Variants in PAK3 observed in about 807,000 individuals in gnomAD.
PAK3 encodes the protein serine/threonine-protein kinase PAK 3.
In PAK3, 4 loss-of-function variants were observed where a neutral mutation model predicts 41.0. The ratio of observed to expected loss-of-function variants is 0.10; its 90% CI spans 0.05 to 0.22. The LOEUF is 0.22. Ranked by LOEUF, PAK3 falls within the 10% of genes least tolerant of loss-of-function variation. The pLI, the probability that PAK3 is intolerant of heterozygous loss-of-function variation, is 1.00. For synonymous variants in PAK3, 146 were observed against 139.6 expected (o/e 1.05, Z -0.32); for missense variants, 205 against 409.9 (o/e 0.50, Z 4.32).
At chrX:111,020,734 G>C (rs749448380) in intron 1 of PAK3, among the ~76,000 whole-genome samples, 3 of 111,795 alleles carry the variant, frequency 2.7e-5, no homozygotes, top group African/African-American at 9.8e-5. Context: ...CTCAGCCAGT[G>C]GGGAGGCTTG....
chrX:111,132,128 A>T (rs929349779), intron 5 of PAK3, among the ~76,000 whole-genome samples: 4 of 111,215 alleles, frequency 3.6e-5, no homozygotes, highest in African/African-American at 1.3e-4. Context: ...GCCTTTTAGT[A>T]ACAGATAAAT....
chrX:111,115,343 T>G (rs1462740779), intron 4 of PAK3, among the ~76,000 whole-genome samples: 1 of 111,887 alleles, frequency 8.9e-6, no homozygotes, highest in African/African-American at 3.2e-5. Context: ...TTTGGGTGTA[T>G]TATAATCTTT....
intron 1 of PAK3, among the ~76,000 whole-genome samples, chrX:110,947,867 C>T (rs961995794): frequency 1.8e-5 from 2 of 111,581 alleles, no homozygotes; most frequent in South Asian, 3.8e-4. Flanking sequence ...TTCCTTCCCC[C>T]CTCTTTAAAA....
rs1343675237 is a variant in PAK3, at chrX:111,225,443, G to C, written c.*4996G>C. The stretch of plus-strand genomic sequence containing the variant: ...CTTGCAAGATAAACTTTTGGAAACT[G>C]CTTAGTGCCATCGGAGTCTCCTTTA... On this transcript the variant is annotated 3_prime_UTR_variant, in exon 18 of 18. Coordinates refer to ENST00000372007, the MANE Select transcript of PAK3 (RefSeq NM_002578.5). 1 of 112,041 alleles carries C rather than the reference G, an allele frequency of 8.9e-6. No homozygotes were observed. Among genetic ancestry groups the C allele is most frequent in the Non-Finnish European group, 1.9e-5 (1 of 53,276 alleles). The allele number at this position is 112,041 out of a possible 1,213,427, so 9.2% of individuals were successfully genotyped here. A position where few individuals can be genotyped will look rare whatever the true frequency, so the allele number is the denominator to read the frequency against.
intron 1 of PAK3, among the ~76,000 whole-genome samples, chrX:111,056,334 G>A (rs1223057429): frequency 8.9e-6 from 1 of 112,009 alleles, no homozygotes; most frequent in East Asian, 2.8e-4. Context: ...AAAAAGTCAA[G>A]TAGATAAACT....
intron 16 of PAK3, among the ~76,000 whole-genome samples, chrX:111,203,465 A>G (rs752556469): frequency 9.0e-6 from 1 of 111,646 alleles, no homozygotes; most frequent in South Asian, 3.8e-4. Flanking sequence ...ATATTGGTGC[A>G]TAATAAACCC....
intron 11 of PAK3, among the ~76,000 whole-genome samples, chrX:111,187,002 A>G (rs748526869): frequency 9.0e-6 from 1 of 111,444 alleles, no homozygotes; most frequent in Non-Finnish European, 1.9e-5. Context: ...GTGCTTCCCA[A>G]CTTCACCAAG....
chrX:111,083,575 C>T (rs894411809), intron 1 of PAK3, among the ~76,000 whole-genome samples: 5 of 112,326 alleles, frequency 4.5e-5, no homozygotes, highest in Non-Finnish European at 9.4e-5. Context: ...TTAAGTGGAA[C>T]ATTTCCTCCT....
chrX:110,996,048 T>C (rs995233385), intron 1 of PAK3, among the ~76,000 whole-genome samples: 3 of 111,823 alleles, frequency 2.7e-5, no homozygotes, highest in Non-Finnish European at 3.8e-5. Flanking sequence ...TTGCTTCAAA[T>C]TGAGAATCAC....
chrX:110,983,594 AATT>A (rs780580207), intron 1 of PAK3, among the ~76,000 whole-genome samples: 11 of 109,773 alleles, frequency 1.0e-4, no homozygotes, highest in Non-Finnish European at 1.3e-4. Context: ...AACAAAGTAA[AATT>A]ATTATTTCCT....
At chrX:111,196,276 C>A (rs1031015956) in intron 15 of PAK3, among the ~76,000 whole-genome samples, 168 bp from the exon 16 acceptor site, 8 of 112,026 alleles carry the variant, frequency 7.1e-5, no homozygotes, top group African/African-American at 2.6e-4. Flanking sequence ...TTATTTCAGA[C>A]CTTCTTAAAA....
In PAK3 at chrX:111,174,948, C is replaced by T. The variant is rs749337712; in HGVS notation, c.830+1867C>T. ...CCGTTTTCTCCCACCGGGAATTTTCCCTGTCTACTTCTGGTGGACTTGTTG... is the reference window on the plus strand; with the variant it reads ...CCGTTTTCTCCCACCGGGAATTTTCTCTGTCTACTTCTGGTGGACTTGTTG... On this transcript the variant is annotated intron_variant, in intron 11 of 17. Coordinates refer to ENST00000372007, the MANE Select transcript of PAK3 (RefSeq NM_002578.5). 3.5e-4 allele frequency among the ~76,000 whole-genome samples: 39 copies of T among 111,271 alleles called. No homozygotes were observed. In the Admixed American group the frequency reaches 3.7e-3, roughly 11 times the overall value.
chrX:111,213,455 T>C (rs756627825), intron 16 of PAK3, among the ~76,000 whole-genome samples: 1 of 111,926 alleles, frequency 8.9e-6, no homozygotes, highest in South Asian at 3.8e-4. Flanking sequence ...TATGCATAGA[T>C]TGGAGAGAGA....
intron 5 of PAK3, among the ~76,000 whole-genome samples, chrX:111,131,963 G>A (rs368261776): frequency 1.8e-5 from 2 of 111,203 alleles, no homozygotes; most frequent in East Asian, 5.7e-4. Context: ...ACAAATCAGA[G>A]GATGAAGCAA....
At chrX:110,999,187 G>A (rs1265120964) in intron 1 of PAK3, among the ~76,000 whole-genome samples, 1 of 111,687 alleles carries the variant, frequency 9.0e-6, no homozygotes, top group Non-Finnish European at 1.9e-5. Context: ...ATGCTGCACT[G>A]GCATCCCAGC....
intron 8 of PAK3, among the ~76,000 whole-genome samples, chrX:111,160,670 T>A (rs1334545675): frequency 7.3e-5 from 8 of 109,438 alleles, no homozygotes; most frequent in East Asian, 5.9e-4. Flanking sequence ...CCTGTGTCCA[T>A]GTGTTCTCAT....
chrX:111,120,693 A>G (rs1297011562), intron 4 of PAK3, among the ~76,000 whole-genome samples: 1 of 111,149 alleles, frequency 9.0e-6, no homozygotes, highest in Admixed American at 9.6e-5. Context: ...CCTGTGAGAC[A>G]CTCTTTTTAG....
At chrX:111,180,551 G>T (rs1447903752) in intron 11 of PAK3, among the ~76,000 whole-genome samples, 2 of 111,846 alleles carry the variant, frequency 1.8e-5, no homozygotes, top group African/African-American at 6.5e-5. Context: ...TGCATATAAG[G>T]CAGCTCCATT....
chrX:111,060,359 C>T (rs2092645061), intron 1 of PAK3, among the ~76,000 whole-genome samples: 1 of 111,331 alleles, frequency 9.0e-6, no homozygotes, highest in African/African-American at 3.3e-5. Flanking sequence ...TTCTACATCT[C>T]TATTTATAAA....
Sources: gnomAD v4.1 joint callset for allele counts (sites outside exome capture counted in the v4.1 genomes callset) on GRCh38, gnomAD v4.1.1 for gene constraint, MANE v1.5 for transcripts, NCBI Gene and HGNC (gene_info 2026-07-23, HGNC 2026-07-21) for gene names.